RASGRP1: variants seen among roughly 807,000 people sequenced by gnomAD.
RASGRP1 encodes the protein RAS guanyl releasing protein 1, also known as RAS guanyl-releasing protein 1.
RASGRP1 carries 37 observed loss-of-function variants against 95.1 expected under a neutral mutation model. The ratio of observed to expected loss-of-function variants is 0.39; its 90% confidence interval spans 0.30 to 0.51. The LOEUF (loss-of-function observed/expected upper bound fraction) is 0.51, where lower values mean the gene tolerates loss of function less well. RASGRP1 is among the 20% of genes least tolerant of loss of function. The probability of loss-of-function intolerance (pLI) is 0.80; values close to 1 mark genes in which losing one functional copy is unlikely to be tolerated. For missense variants in RASGRP1, 711 were observed against 965.4 expected, an observed-to-expected ratio of 0.74 and a Z score of 3.49; for synonymous variants, 325 against 353.4, an observed-to-expected ratio of 0.92 and a Z score of 0.90.
At chr15:38,541,267 G>A (rs1343758133) in intron 2 of RASGRP1, among the ~76,000 whole-genome samples, 8 of 152,110 alleles carry the variant, frequency 5.3e-5, no homozygotes, top group South Asian at 2.1e-4. Flanking sequence ...CCTGGCCAGC[G>A]GGCGTCTAAA....
At chr15:38,547,223 G>C (rs561267994) in intron 2 of RASGRP1, among the ~76,000 whole-genome samples, 2 of 152,262 alleles carry the variant, frequency 1.3e-5, no homozygotes, top group Middle Eastern at 3.4e-3. Context: ...CTTCGTAGCA[G>C]AGCCTGTAAG....
intron 12 of RASGRP1, 69 bp from the exon 13 acceptor site, chr15:38,501,356 T>A (rs755467412): frequency 1.3e-6 from 2 of 1,549,102 alleles, no homozygotes; most frequent in Non-Finnish European, 8.9e-7. Context: ...AGGGGGGGCT[T>A]CTAGCCTTAG....
In RASGRP1 at chr15:38,559,811, G is replaced by A; in HGVS notation, c.220+10C>T. The A allele has an allele frequency of 6.2e-7, 1 of 1,611,628 alleles. No individual in the cohort carries two copies. The highest frequency in any genetic ancestry group is 8.5e-7 in the Non-Finnish European group (1 of 1,177,892). ...TGATTTTTATGCCTGTGGGCAGTTA[G>A]CCAACTTACCAAAAGATTGAATGCA... On this transcript the variant is annotated intron_variant, in intron 2 of 16. Transcript: ENST00000310803.
At chr15:38,556,638 C>G (rs1893564431) in intron 2 of RASGRP1, among the ~76,000 whole-genome samples, 3 of 152,224 alleles carry the variant, frequency 2.0e-5, no homozygotes, top group Admixed American at 2.0e-4. Context: ...CTCTGTCCAA[C>G]AGTAGGTGCC....
intron 14 of RASGRP1, among the ~76,000 whole-genome samples, chr15:38,499,588 T>G (rs998577916): frequency 3.3e-5 from 5 of 152,194 alleles, no homozygotes; most frequent in African/African-American, 1.2e-4. Flanking sequence ...ACCGGGGGTG[T>G]CCGAGGGAAA....
At chr15:38,560,232 G>A (rs1893750389) in intron 1 of RASGRP1, 2 of 559,056 alleles carry the variant, frequency 3.6e-6, no homozygotes, top group Admixed American at 3.0e-5. Context: ...TCTTCATCCT[G>A]GCATTAGGAT....
chr15:38,511,178 CTAAGTTTTTAA>C (rs1891498664), intron 8 of RASGRP1, among the ~76,000 whole-genome samples: 1 of 152,188 alleles, frequency 6.6e-6, no homozygotes, highest in Non-Finnish European at 1.5e-5. Flanking sequence ...TTCTGGATAG[CTAAGTTTTTAA>C]TATATCACTA....
Position 38,564,645 on chromosome 15 carries a change from C to G in RASGRP1, c.-17G>C. On this transcript the variant is annotated 5_prime_UTR_variant, in exon 1 of 17. Coordinates refer to ENST00000310803, the MANE Select transcript of RASGRP1 (RefSeq NM_005739.4). Reference sequence around the variant, plus strand: ...GGTGCCCATGGCCGCGGCCCGCGCTCCCGGTGCCGGCTCACCTAGCGCGGC... The same window carrying G: ...GGTGCCCATGGCCGCGGCCCGCGCTGCCGGTGCCGGCTCACCTAGCGCGGC... The G allele has an allele frequency of 7.6e-7, 1 of 1,321,950 alleles. No homozygotes were observed. Among genetic ancestry groups the G allele is most frequent in the Non-Finnish European group, 9.7e-7 (1 of 1,029,000 alleles). The allele number at this position is 1,321,950 out of a possible 1,614,324, so 81.9% of individuals were successfully genotyped here.
At chr15:38,507,637 G>A (rs1259685808) in intron 9 of RASGRP1, 89 bp downstream of exon 9, 2 of 1,389,704 alleles carry the variant, frequency 1.4e-6, no homozygotes, top group Admixed American at 2.2e-5. Flanking sequence ...GCCTTTATGA[G>A]GACTAACAGC....
chr15:38,499,876 T>C (rs1338440022), intron 14 of RASGRP1, among the ~76,000 whole-genome samples: 1 of 152,160 alleles, frequency 6.6e-6, no homozygotes, highest in Non-Finnish European at 1.5e-5. Context: ...ATAAGGGCTT[T>C]TCCCCCTTTT....
chr15:38,541,082 G>A (rs1483465149), intron 2 of RASGRP1, among the ~76,000 whole-genome samples: 2 of 152,090 alleles, frequency 1.3e-5, no homozygotes, highest in East Asian at 1.9e-4. Context: ...CCCCACACAC[G>A]GGCACTAGAA....
At chr15:38,531,796 G>A (rs1287964979) in intron 2 of RASGRP1, among the ~76,000 whole-genome samples, 1 of 152,124 alleles carries the variant, frequency 6.6e-6, no homozygotes, top group Non-Finnish European at 1.5e-5. Context: ...CTCCTCTCCA[G>A]TCCTGGTTCT....
At chr15:38,494,272 A>C in intron 16 of RASGRP1, 110 bp downstream of exon 16, 1 of 1,407,888 alleles carries the variant, frequency 7.1e-7, no homozygotes, top group Non-Finnish European at 9.8e-7. Context: ...TTTTTGTTTT[A>C]GACTGCTTGT....
chr15:38,494,517 A>G lies in RASGRP1; in HGVS notation c.2124T>C (p.Ser708=). The part of the protein sequence containing the change: ...TAQDTLYVLP[S]PTSPCPSPVL... ...CTGGGCTAGGACATGGAGAGGTGGG[A>G]CTGGGAAGCACATATAGAGTATCCT... Residue 708 remains serine, a synonymous_variant, in exon 16 of 17, where the codon AGT becomes AGC. Transcript: ENST00000310803. 1 of 1,600,086 alleles carries G rather than the reference A, an allele frequency of 6.2e-7. No homozygotes were observed. The highest frequency in any genetic ancestry group is 8.5e-7 in the Non-Finnish European group (1 of 1,172,928).
At chr15:38,549,930 G>A (rs933951211) in intron 2 of RASGRP1, among the ~76,000 whole-genome samples, 23 of 152,060 alleles carry the variant, frequency 1.5e-4, no homozygotes, top group African/African-American at 4.8e-5. Flanking sequence ...CTTCTGCTAC[G>A]TATCTCACCC....
chr15:38,497,848 G>T (rs973486622), intron 15 of RASGRP1, among the ~76,000 whole-genome samples: 2 of 152,098 alleles, frequency 1.3e-5, no homozygotes, highest in Non-Finnish European at 2.9e-5. Context: ...TGAATGTTTT[G>T]TCTCAGTCCT....
intron 15 of RASGRP1, among the ~76,000 whole-genome samples, chr15:38,495,606 T>A (rs1366244552): frequency 1.3e-5 from 2 of 152,216 alleles, no homozygotes; most frequent in Non-Finnish European, 2.9e-5. Flanking sequence ...TTGACCAGAA[T>A]CAACCAGTTG....
At chr15:38,492,029 A>G (rs1890604981) in intron 16 of RASGRP1, among the ~76,000 whole-genome samples, 1 of 152,210 alleles carries the variant, frequency 6.6e-6, no homozygotes, top group Non-Finnish European at 1.5e-5. Flanking sequence ...CTGGTGTAAG[A>G]AATGTCTGGG....
At chr15:38,503,992 T>TA (rs34929559) in intron 10 of RASGRP1, 42,232 of 152,798 alleles carry the variant, frequency 0.28, 6,086 homozygotes, top group East Asian at 0.52. Context: ...TACATACCTA[T>TA]ACAGCAGGTT....
Sources: gnomAD v4.1 joint callset for allele counts (sites outside exome capture counted in the v4.1 genomes callset) on GRCh38, gnomAD v4.1.1 for gene constraint, MANE v1.5 for transcripts, NCBI Gene and HGNC (gene_info 2026-07-23, HGNC 2026-07-21) for gene names.